The following MROH7 variants were observed in gnomAD, a reference collection of about 807,000 sequenced individuals.
The protein encoded by MROH7 is maestro heat like repeat family member 7, also known as maestro heat-like repeat-containing protein family member 7.
A neutral mutation model predicts 129.2 loss-of-function variants in MROH7; 113 were observed. That is an observed-to-expected ratio of 0.87 (90% CI 0.75 to 1.02). The LOEUF is 1.02. Ranked by LOEUF, MROH7 falls within the 50% of genes least tolerant of loss-of-function variation. The probability of loss-of-function intolerance (pLI) is 0.00; values close to 1 mark genes in which losing one functional copy is unlikely to be tolerated. For missense variants in MROH7, 1,601 were observed against 1,671.3 expected, an observed-to-expected ratio of 0.96 and a Z score of 0.73; for synonymous variants, 655 against 667.9, an observed-to-expected ratio of 0.98 and a Z score of 0.30.
In MROH7 at chr1:54,679,347, C is replaced by T; in HGVS notation, c.2134C>T (p.Pro712Ser). 4.3e-6 allele frequency: 7 copies of T among 1,614,138 alleles called. No homozygotes were observed. The highest frequency in any genetic ancestry group is 5.9e-6 in the Non-Finnish European group (7 of 1,180,042). Residue 712 changes from proline to serine, a missense_variant, in exon 12 of 24, where the codon CCA (proline) becomes TCA (serine). By Grantham distance (74) the Pro-to-Ser change is moderately conservative. Coordinates refer to ENST00000421030, the MANE Select transcript of MROH7 (RefSeq NM_001039464.4). ...AGGGCTGAAAGGCAGCTCAGAGGCTCCAGGGAAGGACTCCAGGGAGATGAT... is the reference window on the plus strand; with the variant it reads ...AGGGCTGAAAGGCAGCTCAGAGGCTTCAGGGAAGGACTCCAGGGAGATGAT... The part of the protein sequence containing the change: ...LEGLKGSSEA[P>S]GKDSREMMQL...
intron 1 of MROH7, among the ~76,000 whole-genome samples, chr1:54,647,962 C>T (rs560843094): frequency 6.6e-6 from 1 of 150,398 alleles, no homozygotes; most frequent in South Asian, 2.1e-4. Context: ...CATTCTTTTG[C>T]ATGTCAATAT....
intron 15 of MROH7, among the ~76,000 whole-genome samples, chr1:54,688,370 G>T (rs972441999): frequency 2.0e-5 from 3 of 151,880 alleles, no homozygotes; most frequent in African/African-American, 7.3e-5. Flanking sequence ...CCATGTCCAG[G>T]CCAGAAATGT....
chr1:54,685,707 C>T (rs1042134488), intron 14 of MROH7, among the ~76,000 whole-genome samples: 1 of 152,096 alleles, frequency 6.6e-6, no homozygotes, highest in Admixed American at 6.5e-5. Context: ...GGTGTTGTTT[C>T]TCTTGGCTGC....
chr1:54,659,748 C>A (rs553147602), intron 3 of MROH7, among the ~76,000 whole-genome samples: 1 of 152,112 alleles, frequency 6.6e-6, no homozygotes, highest in African/African-American at 2.4e-5. Flanking sequence ...CCACTGTGCC[C>A]GGCTGTACTT....
In MROH7 at chr1:54,653,083, C is replaced by T; in HGVS notation, c.157C>T (p.Pro53Ser). The T allele has an allele frequency of 1.2e-6, 2 of 1,614,198 alleles. No individual in the cohort carries two copies. The highest frequency in any genetic ancestry group is 1.7e-6 in the Non-Finnish European group (2 of 1,180,038). ...QVPMLNLLPS[P>S]GLALVPDLND... ...GCCTATGTTGAATCTGCTCCCAAGT[C>T]CTGGCTTGGCTCTCGTTCCAGATCT... Residue 53 changes from proline (P) to serine (S), a missense_variant, in exon 3 of 24, where the codon CCT becomes TCT. Physicochemically the swap from Pro to Ser is moderately conservative, Grantham distance 74 (BLOSUM62 -1). Coordinates refer to ENST00000421030, the MANE Select transcript of MROH7 (RefSeq NM_001039464.4).
rs1273547884 is a variant in MROH7 at position 54,673,293 on chromosome 1, G to A, written c.1695+107G>A. ...AGACCTAGGAGTGATTTGGCTTCAG[G>A]ATGTCATCTTGTGTGAGTGTTCTGC... On this transcript the variant is annotated intron_variant, in intron 8 of 23. Coordinates refer to ENST00000421030, the MANE Select transcript of MROH7 (RefSeq NM_001039464.4). 3.7e-6 allele frequency: 3 copies of A among 807,162 alleles called. No individual in the cohort carries two copies. The East Asian group carries it at 8.0e-5, about 22-fold the overall frequency. The allele number at this position is 807,162 out of a possible 1,614,324, so 50.0% of individuals were successfully genotyped here.
chr1:54,647,559 AT>A (rs1447242669), intron 1 of MROH7, among the ~76,000 whole-genome samples: 1 of 151,972 alleles, frequency 6.6e-6, no homozygotes, highest in Non-Finnish European at 1.5e-5. Context: ...GACCAATATG[AT>A]GAAACCCCGT....
chr1:54,704,048 T>A (rs940535295), intron 21 of MROH7, among the ~76,000 whole-genome samples: 7 of 152,160 alleles, frequency 4.6e-5, no homozygotes, highest in African/African-American at 1.7e-4. Context: ...AAGGGACATC[T>A]GAGTGGGGAG....
In MROH7 at chr1:54,653,106, T is replaced by C. The variant is rs767613226; in HGVS notation, c.180T>C (p.Asp60=). 1.2e-6 allele frequency: 2 copies of C among 1,614,036 alleles called. No homozygotes were observed. Among genetic ancestry groups the C allele is most frequent in the African/African-American group, 1.3e-5 (1 of 74,926 alleles). ...LPSPGLALVP[D]LNDSLSPVSG... is the part of the protein sequence containing the mutation. ...GTCCTGGCTTGGCTCTCGTTCCAGA[T>C]CTTAATGATTCTTTGAGTCCAGTCT... Residue 60 remains aspartate, a synonymous_variant, in exon 3 of 24, where the codon GAT becomes GAC. Transcript: ENST00000421030.
chr1:54,673,400 G>A (rs1397916576), intron 8 of MROH7, among the ~76,000 whole-genome samples: 3 of 151,812 alleles, frequency 2.0e-5, no homozygotes, highest in African/African-American at 4.8e-5. Flanking sequence ...CTAAATGGCT[G>A]CCCATGGTTA....
chr1:54,678,920 C>T lies in MROH7; in HGVS notation c.2049+66C>T, dbSNP rs577912933. 24 of 1,270,890 alleles carry T rather than the reference C, an allele frequency of 1.9e-5. 1 individual carries two copies. In the South Asian group the frequency reaches 2.1e-4, roughly 11 times the overall value. 78.7% of individuals were successfully genotyped at this position (1,270,890 alleles called of 1,614,324 possible). ...TGAGGAGGGGCAGTGCCACCTGGCC[C>T]CAAAGCTTTCTTCCCTTCTAGCTTT... On this transcript the variant is annotated intron_variant, in intron 11 of 23. Transcript: ENST00000421030.
chr1:54,708,334 G>A (rs902426921), intron 22 of MROH7, among the ~76,000 whole-genome samples: 2 of 152,220 alleles, frequency 1.3e-5, no homozygotes, highest in Non-Finnish European at 2.9e-5. Context: ...GGCTGAGGCA[G>A]GAGGACTGCT....
At chr1:54,707,592 A>G (rs902033701) in intron 22 of MROH7, among the ~76,000 whole-genome samples, 1 of 152,214 alleles carries the variant, frequency 6.6e-6, no homozygotes, top group East Asian at 1.9e-4. Flanking sequence ...GGGGCTGCTC[A>G]GAGACATCTA....
chr1:54,648,321 C>G (rs568559282), intron 1 of MROH7, among the ~76,000 whole-genome samples: 1 of 151,186 alleles, frequency 6.6e-6, no homozygotes, highest in East Asian at 1.9e-4. Flanking sequence ...GTCAGTACCA[C>G]ACTGTTGCAT....
At chr1:54,655,963 C>T (rs1434445224) in intron 3 of MROH7, among the ~76,000 whole-genome samples, 1 of 149,406 alleles carries the variant, frequency 6.7e-6, no homozygotes, top group African/African-American at 2.5e-5. Context: ...GCATGATCTC[C>T]ACTCACCACA....
intron 18 of MROH7, among the ~76,000 whole-genome samples, chr1:54,700,796 T>C (rs1486151602): frequency 2.0e-5 from 3 of 152,198 alleles, no homozygotes; most frequent in African/African-American, 7.2e-5. Context: ...GCTTTGTTTT[T>C]CTCTACCAGG....
intron 14 of MROH7, among the ~76,000 whole-genome samples, chr1:54,683,645 G>A (rs1253748515): frequency 6.6e-6 from 1 of 152,170 alleles, no homozygotes; most frequent in African/African-American, 2.4e-5. Context: ...CGAAGGCCCT[G>A]CATCCCTGGC....
In MROH7 at chr1:54,654,118, G is replaced by A. The variant is rs558242326; in HGVS notation, c.1192G>A (p.Ala398Thr). The change falls in exon 3 of 24, where the codon GCA (alanine) becomes ACA (threonine). Residue 398 changes from alanine (A) to threonine (T), a missense_variant. Ala to Thr is a moderately conservative substitution (Grantham distance 58). Coordinates refer to ENST00000421030, the MANE Select transcript of MROH7 (RefSeq NM_001039464.4). ...FPLGFPISNP[A>T]GKDAVTLQGI... is the part of the protein sequence containing the mutation. ...GCTGGGATTCCCCATCTCCAACCCCGCAGGCAAGGACGCCGTGACCTTGCA... is the reference window on the plus strand; with the variant it reads ...GCTGGGATTCCCCATCTCCAACCCCACAGGCAAGGACGCCGTGACCTTGCA... 6.6e-5 allele frequency: 106 copies of A among 1,613,474 alleles called. No homozygotes were observed. In the South Asian group the frequency reaches 9.5e-4, roughly 14 times the overall value.
intron 10 of MROH7, among the ~76,000 whole-genome samples, chr1:54,676,319 C>G (rs1181528447): frequency 6.6e-6 from 1 of 151,556 alleles, no homozygotes; most frequent in East Asian, 2.0e-4. Flanking sequence ...CTCATTGCAG[C>G]CTCAACCTCC....
Sources: gnomAD v4.1 joint callset for allele counts (sites outside exome capture counted in the v4.1 genomes callset) on GRCh38, gnomAD v4.1.1 for gene constraint, MANE v1.5 for transcripts, NCBI Gene and HGNC (gene_info 2026-07-23, HGNC 2026-07-21) for gene names.